Variants in PCDHGA9 observed in about 807,000 individuals in gnomAD.
PCDHGA9 encodes protocadherin gamma-A9.
PCDHGA9 carries 37 observed loss-of-function variants against 62.5 expected under a neutral mutation model. The observed-to-expected ratio is 0.59, with a 90% CI of 0.46 to 0.78. The LOEUF (loss-of-function observed/expected upper bound fraction) is 0.78. Ranked by LOEUF, PCDHGA9 falls within the 30% of genes least tolerant of loss-of-function variation. The probability of loss-of-function intolerance (pLI) is 0.00; values close to 1 mark genes in which losing one functional copy is unlikely to be tolerated. For synonymous variants in PCDHGA9, 459 were observed against 484.6 expected, an observed-to-expected ratio of 0.95 and a Z score of 0.69; for missense variants, 1,138 against 1,166.2, an observed-to-expected ratio of 0.98 and a Z score of 0.35.
In PCDHGA9 at chr5:141,487,493, C is replaced by T; in HGVS notation, c.2425-7314C>T. 6.2e-7 allele frequency: 1 copy of T among 1,614,168 alleles called. No individual in the cohort carries two copies. The highest frequency in any genetic ancestry group is 1.1e-5 in the South Asian group (1 of 91,088). On this transcript the variant is annotated intron_variant, in intron 1 of 3. Coordinates refer to ENST00000573521, the MANE Select transcript of PCDHGA9 (RefSeq NM_018921.3). The surrounding 1 kb of genome is among the most constrained non-coding windows in gnomAD (Gnocchi z 5.0). ...GGGAGGCCACTCTCATGGCTGTACA[C>T]CCTTGGCTTCTGCACCCACTCGGAG...
chr5:141,480,413 T>C (rs1478520852), intron 1 of PCDHGA9, among the ~76,000 whole-genome samples: 2 of 135,292 alleles, frequency 1.5e-5, no homozygotes, highest in African/African-American at 3.0e-5. Context: ...AGACCCTGTC[T>C]CAAAAAAAAA....
intron 1 of PCDHGA9, among the ~76,000 whole-genome samples, chr5:141,483,218 A>G (rs2099578440): frequency 6.6e-6 from 1 of 152,188 alleles, no homozygotes; most frequent in Admixed American, 6.5e-5. Flanking sequence ...GATGACAGTC[A>G]CTGCAGAAAT....
chr5:141,450,119 G>A (rs765403319), intron 1 of PCDHGA9, among the ~76,000 whole-genome samples: 2 of 148,920 alleles, frequency 1.3e-5, no homozygotes, highest in Non-Finnish European at 3.0e-5. Context: ...TGATTCTCCT[G>A]CCTTAGCCTC....
Position 141,485,117 on chromosome 5 carries a change from G to A in PCDHGA9, c.2425-9690G>A. The A allele has an allele frequency of 3.0e-6, 4 of 1,326,200 alleles. No homozygotes were observed. The highest frequency in any genetic ancestry group is 4.3e-6 in the Non-Finnish European group (4 of 933,470). 82.2% of individuals were successfully genotyped at this position (1,326,200 alleles called of 1,614,324 possible). On this transcript the variant is annotated intron_variant, in intron 1 of 3. Transcript: ENST00000573521. The surrounding 1 kb of genome is among the most constrained non-coding windows in gnomAD (Gnocchi z 5.7). ...GTCTCCAGCTGCTGTGGCTGTTTGG[G>A]GCGGGTCGGCTTCATCCGCGTCTCA...
rs766546022 is a variant in PCDHGA9, at chr5:141,402,918, A to C, written c.-35A>C. 55 of 1,569,938 alleles carry C rather than the reference A, an allele frequency of 3.5e-5. No homozygotes were observed. The highest frequency in any genetic ancestry group is 4.7e-5 in the Non-Finnish European group (54 of 1,157,932). ...GAACCTGATGAAGCAGCGCGCACAG[A>C]GATCCTTTTGAGAAAATTCCAAAGC... On this transcript the variant is annotated 5_prime_UTR_variant, in exon 1 of 4. Transcript: ENST00000573521.
chr5:141,405,398 CT>C, intron 1 of PCDHGA9, 22 bp downstream of exon 1: 1 of 1,590,264 alleles, frequency 6.3e-7, no homozygotes, highest in Non-Finnish European at 8.6e-7. Context: ...TTTTTTCTTT[CT>C]TTCTTTTCTT....
intron 1 of PCDHGA9, among the ~76,000 whole-genome samples, chr5:141,472,266 G>A (rs931951683): frequency 2.0e-5 from 3 of 152,198 alleles, no homozygotes. Flanking sequence ...TTATAGCCGG[G>A]CACAGTGGCT....
chr5:141,496,523 G>T (rs1159517569), intron 2 of PCDHGA9, among the ~76,000 whole-genome samples: 1 of 152,128 alleles, frequency 6.6e-6, no homozygotes, highest in Non-Finnish European at 1.5e-5. Context: ...GGAGCCCTTG[G>T]TGTATGGCAG....
chr5:141,419,851 C>T, intron 1 of PCDHGA9: 1 of 1,614,062 alleles, frequency 6.2e-7, no homozygotes, highest in Non-Finnish European at 8.5e-7. Context: ...ACCTGGTGTT[C>T]GCAGATAGCT....
chr5:141,426,086 G>A (rs751467304), intron 1 of PCDHGA9, among the ~76,000 whole-genome samples: 5 of 152,218 alleles, frequency 3.3e-5, no homozygotes, highest in Non-Finnish European at 7.3e-5. Context: ...CTACCAGGAC[G>A]ATATTCTGTT....
In PCDHGA9 at chr5:141,485,062, C is replaced by T. The variant is rs2099606141; in HGVS notation, c.2425-9745C>T. 2.3e-6 allele frequency: 2 copies of T among 876,222 alleles called. No individual in the cohort carries two copies. Among genetic ancestry groups the T allele is most frequent in the Non-Finnish European group, 3.6e-6 (2 of 552,684 alleles). 54.3% of individuals were successfully genotyped at this position (876,222 alleles called of 1,614,324 possible). ...CCTTGCGGCGCCGGCCGAACCGCGCCAGAGCTGGCGCGGGGAAAGGGAGAT... is the reference window on the plus strand; with the variant it reads ...CCTTGCGGCGCCGGCCGAACCGCGCTAGAGCTGGCGCGGGGAAAGGGAGAT... On this transcript the variant is annotated intron_variant, in intron 1 of 3. Coordinates refer to ENST00000573521, the MANE Select transcript of PCDHGA9 (RefSeq NM_018921.3). The surrounding 1 kb of genome is among the most constrained non-coding windows in gnomAD (Gnocchi z 5.7).
chr5:141,502,784 G>C (rs185608958), intron 2 of PCDHGA9, among the ~76,000 whole-genome samples: 1 of 151,804 alleles, frequency 6.6e-6, no homozygotes, highest in Non-Finnish European at 1.5e-5. Flanking sequence ...AAATTACCTG[G>C]ATGATTTCTT....
intron 1 of PCDHGA9, among the ~76,000 whole-genome samples, chr5:141,456,842 A>G (rs1374546355): frequency 6.6e-6 from 1 of 152,150 alleles, no homozygotes; most frequent in African/African-American, 2.4e-5. Flanking sequence ...GGGCGCCTGT[A>G]ATCCCAGCTA....
intron 1 of PCDHGA9, chr5:141,410,801 A>T: frequency 3.4e-6 from 2 of 587,936 alleles, no homozygotes; most frequent in South Asian, 3.5e-5. Context: ...AAGTTGCTCT[A>T]TCTTTTTGTA....
Position 141,489,276 on chromosome 5 carries a change from AT to A in PCDHGA9, c.2425-5530del, listed in dbSNP as rs2099684949. 1.9e-6 allele frequency: 3 copies of A among 1,556,004 alleles called. No homozygotes were observed. Among genetic ancestry groups the A allele is most frequent in the Non-Finnish European group, 2.6e-6 (3 of 1,151,570 alleles). ...AGACACTCCCACAGCTCGCTGGGAA[AT>A]GGCAAGTGCTGTGCATGTTGTCCTT... On this transcript the variant is annotated intron_variant, in intron 1 of 3. Coordinates refer to ENST00000573521, the MANE Select transcript of PCDHGA9 (RefSeq NM_018921.3). This position sits in a 1 kb window ranked among gnomAD's most constrained non-coding sequence, Gnocchi z 4.5.
intron 1 of PCDHGA9, among the ~76,000 whole-genome samples, chr5:141,459,678 G>A (rs1240789253): frequency 2.0e-5 from 3 of 152,184 alleles, no homozygotes; most frequent in African/African-American, 7.2e-5. Flanking sequence ...CATGAGCAAT[G>A]CATAAAGCGT....
chr5:141,450,006 C>CTATTTTTTT (rs70988802), intron 1 of PCDHGA9, among the ~76,000 whole-genome samples: 8 of 132,970 alleles, frequency 6.0e-5, no homozygotes, highest in African/African-American at 8.4e-5. Context: ...TGCCATGTCT[C>CTATTTTTTT]TTTTTTTTTT....
rs1272694679 is a variant in PCDHGA9, at chr5:141,486,884, C to T, written c.2425-7923C>T. 7 of 1,614,106 alleles carry T rather than the reference C, an allele frequency of 4.3e-6. No individual in the cohort carries two copies. The highest frequency in any genetic ancestry group is 1.1e-5 in the South Asian group (1 of 91,082). ...TCCAGCTGTGCTCCGTCCTCGGGCC[C>T]GGCCTGGTTCCTTATGTCCCCAAGC... On this transcript the variant is annotated intron_variant, in intron 1 of 3. Coordinates refer to ENST00000573521, the MANE Select transcript of PCDHGA9 (RefSeq NM_018921.3). The surrounding 1 kb of genome is among the most constrained non-coding windows in gnomAD (Gnocchi z 5.0).
At chr5:141,427,934 G>A (rs746648152) in intron 1 of PCDHGA9, 42 of 1,584,338 alleles carry the variant, frequency 2.7e-5, no homozygotes, top group Non-Finnish European at 3.6e-5. Context: ...GCATGTTGGT[G>A]GGCGACCTCA....
Sources: gnomAD v4.1 joint callset for allele counts (sites outside exome capture counted in the v4.1 genomes callset) on GRCh38, gnomAD v4.1.1 for gene constraint, Gnocchi (gnomAD v3.1) non-coding constraint, MANE v1.5 for transcripts, NCBI Gene and HGNC (gene_info 2026-07-23, HGNC 2026-07-21) for gene names.